The following FBN2 variants were observed in gnomAD, a reference collection of about 807,000 sequenced individuals.
The protein encoded by FBN2 is fibrillin-2.
In FBN2, 105 loss-of-function variants were observed where a neutral mutation model predicts 355.6. The ratio of observed to expected loss-of-function variants is 0.30; its 90% CI spans 0.25 to 0.35. FBN2 has a LOEUF of 0.35. FBN2 is among the 10% of genes least tolerant of loss of function. FBN2 has a pLI of 1.00. For missense variants in FBN2, 3,280 were observed against 3,758.7 expected (o/e 0.87, Z 3.33); for synonymous variants, 1,350 against 1,301.2 (o/e 1.04, Z -0.81).
intron 8 of FBN2, among the ~76,000 whole-genome samples, chr5:128,397,137 C>T (rs1248830014): frequency 6.6e-6 from 1 of 152,150 alleles, no homozygotes; most frequent in Non-Finnish European, 1.5e-5. Flanking sequence ...TAATTAAAGG[C>T]ACTGCAGAAA....
chr5:128,411,408 G>A (rs1018836645), intron 7 of FBN2, among the ~76,000 whole-genome samples: 3 of 152,188 alleles, frequency 2.0e-5, no homozygotes, highest in Admixed American at 1.3e-4. Context: ...ATTGAGCGAT[G>A]GAAGTGGCTT....
intron 7 of FBN2, among the ~76,000 whole-genome samples, chr5:128,423,022 T>C (rs1007589513): frequency 1.3e-5 from 2 of 152,114 alleles, no homozygotes; most frequent in African/African-American, 2.4e-5. Context: ...CCAGAAGCCG[T>C]CAGTGGTGGC....
At chr5:128,488,839 T>G (rs368234488) in intron 5 of FBN2, among the ~76,000 whole-genome samples, 2 of 152,018 alleles carry the variant, frequency 1.3e-5, no homozygotes, top group South Asian at 2.1e-4. Flanking sequence ...CTCATCATTT[T>G]TTATGGCTGC....
At chr5:128,446,640 A>C in intron 6 of FBN2, 34 bp from the exon 7 acceptor site, 1 of 1,609,340 alleles carries the variant, frequency 6.2e-7, no homozygotes, top group Non-Finnish European at 8.5e-7. Context: ...CACAGATGAC[A>C]CTGGTTTTCA....
In FBN2 at chr5:128,305,951, GA is replaced by G. The variant is rs1749862223; in HGVS notation, c.5423-4del. Reference sequence around the variant, plus strand: ...AATCTCTTTACATTCATCAATGTCTGAAATGGAACAGATTTGGTCAAATATA... The same window carrying G: ...AATCTCTTTACATTCATCAATGTCTGAATGGAACAGATTTGGTCAAATATA... On this transcript the variant is annotated splice_region_variant and splice_polypyrimidine_tract_variant and intron_variant, in intron 42 of 64. Coordinates refer to ENST00000262464, the MANE Select transcript of FBN2 (RefSeq NM_001999.4). 1 of 1,613,170 alleles carries G rather than the reference GA, an allele frequency of 6.2e-7. No individual in the cohort carries two copies. Among genetic ancestry groups the G allele is most frequent in the Non-Finnish European group, 8.5e-7 (1 of 1,179,198 alleles).
chr5:128,321,964 G>T (rs1277118541), intron 34 of FBN2, among the ~76,000 whole-genome samples: 2 of 152,100 alleles, frequency 1.3e-5, no homozygotes, highest in Admixed American at 6.5e-5. Flanking sequence ...GTTGTTTCCT[G>T]ACTTTTTAAT....
At chr5:128,288,615 C>T in intron 52 of FBN2, 58 bp from the exon 53 acceptor site, 3 of 1,587,544 alleles carry the variant, frequency 1.9e-6, no homozygotes, top group Non-Finnish European at 2.6e-6. Flanking sequence ...AGGAGAATGC[C>T]CAGGAAGACC....
At chr5:128,406,673 A>G (rs564904832) in intron 8 of FBN2, among the ~76,000 whole-genome samples, 2 of 152,280 alleles carry the variant, frequency 1.3e-5, no homozygotes, top group East Asian at 3.9e-4. Flanking sequence ...TATGCTGGGA[A>G]AAAGAGGAGT....
intron 8 of FBN2, among the ~76,000 whole-genome samples, chr5:128,398,137 A>G (rs1216566231): frequency 1.3e-5 from 2 of 152,162 alleles, no homozygotes; most frequent in African/African-American, 2.4e-5. Flanking sequence ...TATAACGTAA[A>G]GAGGTTCTCA....
chr5:128,500,430 CTTTTT>C (rs149068555), intron 5 of FBN2, among the ~76,000 whole-genome samples: 110 of 51,152 alleles, frequency 2.2e-3, no homozygotes, highest in African/African-American at 7.4e-3. Flanking sequence ...TCTGACAATT[CTTTTT>C]TTTTTTTTTT....
At chr5:128,355,993 C>T (rs1163379932) in intron 20 of FBN2, among the ~76,000 whole-genome samples, 2 of 152,146 alleles carry the variant, frequency 1.3e-5, no homozygotes, top group African/African-American at 4.8e-5. Context: ...GCTCAAGTGG[C>T]ATGCAGATTT....
chr5:128,339,085 A>G (rs756660367), intron 25 of FBN2, 24 bp from the exon 26 acceptor site: 5 of 1,612,696 alleles, frequency 3.1e-6, no homozygotes, highest in Non-Finnish European at 4.2e-6. Context: ...TTTAAAAGAA[A>G]TTTAAAAATT....
chr5:128,423,250 G>A (rs1753398630), intron 7 of FBN2, among the ~76,000 whole-genome samples: 1 of 152,134 alleles, frequency 6.6e-6, no homozygotes, highest in South Asian at 2.1e-4. Flanking sequence ...AGGTGTATTA[G>A]TCCGTTCTCA....
intron 20 of FBN2, 87 bp from the exon 21 acceptor site, chr5:128,351,092 A>G (rs930760455): frequency 3.4e-5 from 52 of 1,520,806 alleles, no homozygotes; most frequent in Non-Finnish European, 4.7e-5. Flanking sequence ...TTGTTACAGT[A>G]TTCTAAAAAA....
intron 7 of FBN2, among the ~76,000 whole-genome samples, chr5:128,416,603 G>T (rs888923184): frequency 5.3e-5 from 8 of 152,148 alleles, no homozygotes; most frequent in African/African-American, 1.9e-4. Flanking sequence ...GAGAGACAGG[G>T]GTCTAGTTCC....
chr5:128,343,157 G>C (rs1448992413), intron 25 of FBN2, among the ~76,000 whole-genome samples: 1 of 152,194 alleles, frequency 6.6e-6, no homozygotes, highest in East Asian at 1.9e-4. Flanking sequence ...GTAAGTCAGG[G>C]AAGAGGTTTA....
rs183376651 is a variant in FBN2, at chr5:128,333,302, C to A, written c.4100-268G>T. Among the ~76,000 whole-genome samples the A allele has an allele frequency of 2.3e-4, 35 of 152,220 alleles. 2 individuals are homozygous for A. In the East Asian group the frequency reaches 6.8e-3, roughly 29 times the overall value. On this transcript the variant is annotated intron_variant, in intron 31 of 64. Coordinates refer to ENST00000262464, the MANE Select transcript of FBN2 (RefSeq NM_001999.4). ...GAGACACAGCAGTGTTGCTCCCCGGCAGGTATGTGTATTATCCTGGGGCCT... is the reference window on the plus strand; with the variant it reads ...GAGACACAGCAGTGTTGCTCCCCGGAAGGTATGTGTATTATCCTGGGGCCT...
At chr5:128,431,081 T>C (rs908957705) in intron 7 of FBN2, among the ~76,000 whole-genome samples, 2 of 152,024 alleles carry the variant, frequency 1.3e-5, no homozygotes, top group South Asian at 2.1e-4. Context: ...GTCTAGACAA[T>C]AGTAGAGAAG....
intron 6 of FBN2, among the ~76,000 whole-genome samples, chr5:128,458,426 C>G (rs937547100): frequency 7.6e-5 from 11 of 144,544 alleles, no homozygotes; most frequent in African/African-American, 2.8e-4. Flanking sequence ...CAAAAATATT[C>G]AGTACTTGAA....
Sources: gnomAD v4.1 joint callset for allele counts (sites outside exome capture counted in the v4.1 genomes callset) on GRCh38, gnomAD v4.1.1 for gene constraint, MANE v1.5 for transcripts, NCBI Gene and HGNC (gene_info 2026-07-23, HGNC 2026-07-21) for gene names.